Variants in MDM4 observed in about 807,000 individuals in gnomAD.
The protein encoded by MDM4 is MDM4 regulator of p53, also known as protein Mdm4.
In MDM4, 2 loss-of-function variants were observed where a neutral mutation model predicts 60.2. That is an observed-to-expected ratio of 0.03 (90% confidence interval 0.01 to 0.10). The LOEUF (loss-of-function observed/expected upper bound fraction) is 0.10. MDM4 is among the 10% of genes least tolerant of loss of function. The probability of loss-of-function intolerance (pLI) is 1.00; values close to 1 mark genes in which losing one functional copy is unlikely to be tolerated. For missense variants in MDM4, 447 were observed against 577.5 expected (o/e 0.77, Z 2.32); for synonymous variants, 202 against 198.1 (o/e 1.02, Z -0.17).
At chr1:204,521,637 T>C (rs955579893) in intron 1 of MDM4, among the ~76,000 whole-genome samples, 3 of 152,156 alleles carry the variant, frequency 2.0e-5, no homozygotes, top group African/African-American at 7.2e-5. Flanking sequence ...CCTGGAATTG[T>C]CACATTATCA....
rs1032924430 is a variant in MDM4 at position 204,556,100 on chromosome 1, A to G, written c.*6418A>G. 4.5e-6 allele frequency: 1 copy of G among 222,794 alleles called. No homozygotes were observed. The highest frequency in any genetic ancestry group is 9.0e-6 in the Non-Finnish European group (1 of 111,556). 13.8% of individuals were successfully genotyped at this position (222,794 alleles called of 1,614,324 possible). The stretch of plus-strand genomic sequence containing the variant: ...AATAAAACTCTGGTCTCCCTTAAGA[A>G]AAAAAAACCCTTCCACCTTTACTGT... On this transcript the variant is annotated 3_prime_UTR_variant, in exon 11 of 11. Transcript: ENST00000367182.
chr1:204,520,189 A>G (rs962146182), intron 1 of MDM4, among the ~76,000 whole-genome samples: 1 of 150,752 alleles, frequency 6.6e-6, no homozygotes, highest in Non-Finnish European at 1.5e-5. Context: ...AGGCAGAAGA[A>G]TGGCATGAAC....
chr1:204,552,645 TAAG>T lies in MDM4; in HGVS notation c.*2967_*2969del, dbSNP rs1305424248. Reference sequence around the variant, plus strand: ...CCAAGTTGTAATTTTTAATAAAACTTAAGAAGTAAACATTTTACTTATGTTTAT... The same window carrying T: ...CCAAGTTGTAATTTTTAATAAAACTTAAGTAAACATTTTACTTATGTTTAT... On this transcript the variant is annotated 3_prime_UTR_variant, in exon 11 of 11. Transcript: ENST00000367182. 1.1e-5 allele frequency: 2 copies of T among 176,268 alleles called. No individual in the cohort carries two copies. The highest frequency in any genetic ancestry group is 2.4e-5 in the Non-Finnish European group (2 of 81,764). The allele number at this position is 176,268 out of a possible 1,614,324, so 10.9% of individuals were successfully genotyped here.
chr1:204,538,691 A>AGGCCAATT (rs1661669716), intron 7 of MDM4, among the ~76,000 whole-genome samples: 1 of 149,792 alleles, frequency 6.7e-6, no homozygotes, highest in Admixed American at 6.7e-5. Flanking sequence ...CTTGAGGCAA[A>AGGCCAATT]GGCCAATTTT....
intron 1 of MDM4, among the ~76,000 whole-genome samples, chr1:204,517,205 G>A (rs1160902190): frequency 4.0e-5 from 6 of 150,870 alleles, no homozygotes. Context: ...TCGCGCCACT[G>A]CACTCCAGCT....
At chr1:204,538,728 CAG>C (rs1373985734) in intron 7 of MDM4, among the ~76,000 whole-genome samples, 1 of 145,474 alleles carries the variant, frequency 6.9e-6, no homozygotes, top group African/African-American at 2.6e-5. Flanking sequence ...TTTTTGGAGT[CAG>C]AGTTTCCCTG....
intron 3 of MDM4, among the ~76,000 whole-genome samples, chr1:204,529,962 C>T (rs990927489): frequency 3.9e-5 from 6 of 152,134 alleles, no homozygotes; most frequent in African/African-American, 1.2e-4. Context: ...CTGCAACCTC[C>T]GCTTCCCAGG....
chr1:204,524,774 CAAAAT>C (rs901171714), intron 1 of MDM4, among the ~76,000 whole-genome samples: 1 of 152,178 alleles, frequency 6.6e-6, no homozygotes, highest in African/African-American at 2.4e-5. Context: ...GACTGTGTCT[CAAAAT>C]AAATAAATAA....
At chr1:204,539,260 A>G (rs917810378) in intron 7 of MDM4, among the ~76,000 whole-genome samples, 15 of 152,312 alleles carry the variant, frequency 9.8e-5, no homozygotes. Flanking sequence ...TGCTGGGATT[A>G]CAGGCGTGAG....
chr1:204,518,184 C>G (rs796529257), intron 1 of MDM4, among the ~76,000 whole-genome samples: 18 of 152,264 alleles, frequency 1.2e-4, no homozygotes, highest in African/African-American at 4.1e-4. Context: ...TCACTGTGTG[C>G]TCAGGCTGCA....
intron 5 of MDM4, among the ~76,000 whole-genome samples, chr1:204,533,550 G>A (rs1661075405): frequency 6.6e-6 from 1 of 152,102 alleles, no homozygotes; most frequent in Non-Finnish European, 1.5e-5. Flanking sequence ...TAGAGACAGG[G>A]TTTTGCTGTG....
At chr1:204,546,171 G>C (rs2369244) in intron 9 of MDM4, among the ~76,000 whole-genome samples, 85,093 of 151,914 alleles carry the variant, frequency 0.56, 26,509 homozygotes, top group Non-Finnish European at 0.68. Flanking sequence ...TAACAATTTG[G>C]AGCTTTTCTA....
At chr1:204,540,687 C>T (rs1359730053) in intron 7 of MDM4, among the ~76,000 whole-genome samples, 5 of 152,034 alleles carry the variant, frequency 3.3e-5, no homozygotes, top group East Asian at 1.9e-4. Context: ...TGCTTGAACC[C>T]GGGAGGCAGA....
At chr1:204,542,341 A>G (rs1378520561) in intron 7 of MDM4, among the ~76,000 whole-genome samples, 2 of 152,238 alleles carry the variant, frequency 1.3e-5, no homozygotes, top group East Asian at 1.9e-4. Context: ...TTAGACCACT[A>G]TGTTACCATC....
intron 5 of MDM4, among the ~76,000 whole-genome samples, chr1:204,534,994 T>G (rs1413736685): frequency 6.6e-6 from 1 of 152,060 alleles, no homozygotes; most frequent in Non-Finnish European, 1.5e-5. Context: ...ATTGCATTGG[T>G]GCTTGTGGAT....
rs1323953376 is a variant in MDM4, at chr1:204,552,109, T to TA, written c.*2432dup. The TA allele has an allele frequency of 6.4e-6, 1 of 156,520 alleles. No individual in the cohort carries two copies. The highest frequency in any genetic ancestry group is 6.5e-5 in the Admixed American group (1 of 15,338). The allele number at this position is 156,520 out of a possible 1,614,324, so 9.7% of individuals were successfully genotyped here. A position where few individuals can be genotyped will look rare whatever the true frequency, so the allele number is the denominator to read the frequency against. On this transcript the variant is annotated 3_prime_UTR_variant, in exon 11 of 11. Transcript: ENST00000367182. ...CGACATGGAGAAACCCCATTTTTAC[T>TA]AAAAATACAAAAAATTAGCTGGGCA...
At chr1:204,539,041 G>A (rs532219592) in intron 7 of MDM4, among the ~76,000 whole-genome samples, 1 of 151,954 alleles carries the variant, frequency 6.6e-6, no homozygotes, top group South Asian at 2.1e-4. Context: ...GGCTAATTTT[G>A]TATTTTTAGT....
Position 204,555,158 on chromosome 1 carries a change from CTTTTT to C in MDM4, c.*5487_*5491del. On this transcript the variant is annotated 3_prime_UTR_variant, in exon 11 of 11. Transcript: ENST00000367182. Reference sequence around the variant, plus strand: ...GGACAGTTAGTAGAACTCTCCATTTCTTTTTTTTTTTTTTTAGACGGAGTCTCTCT... The same window carrying C: ...GGACAGTTAGTAGAACTCTCCATTTCTTTTTTTTTTAGACGGAGTCTCTCT... 6.0e-6 allele frequency: 1 copy of C among 167,668 alleles called. No individual in the cohort carries two copies. Among genetic ancestry groups the C allele is most frequent in the Non-Finnish European group, 1.3e-5 (1 of 79,498 alleles). 10.4% of individuals were successfully genotyped at this position (167,668 alleles called of 1,614,324 possible). A position where few individuals can be genotyped will look rare whatever the true frequency, so the allele number is the denominator to read the frequency against.
intron 3 of MDM4, among the ~76,000 whole-genome samples, chr1:204,528,207 G>A (rs4252687): frequency 3.3e-5 from 5 of 151,896 alleles, no homozygotes; most frequent in Admixed American, 6.6e-5. Context: ...CCCTGGAGAT[G>A]GAAGCCGAGC....
Sources: allele counts gnomAD v4.1 joint callset (sites outside exome capture counted in the v4.1 genomes callset), GRCh38; gene constraint gnomAD v4.1.1; transcripts MANE v1.5; gene names NCBI Gene and HGNC (gene_info 2026-07-23, HGNC 2026-07-21).